The following ADGRE3 variants were observed in gnomAD, a reference collection of about 807,000 sequenced individuals.
ADGRE3 encodes adhesion G protein-coupled receptor E3, also known as EGF-like module receptor 3.
A neutral mutation model predicts 80.1 loss-of-function variants in ADGRE3; 88 were observed. The ratio of observed to expected loss-of-function variants is 1.10; its 90% CI spans 0.93 to 1.31. The LOEUF (loss-of-function observed/expected upper bound fraction) is 1.31, where lower values mean the gene tolerates loss of function less well. ADGRE3 is among the 40% of genes most tolerant of loss of function. The pLI, the probability that ADGRE3 is intolerant of heterozygous loss-of-function variation, is 0.00. For synonymous variants in ADGRE3, 281 were observed against 294.8 expected (o/e 0.95, Z 0.48); for missense variants, 715 against 776.5 (o/e 0.92, Z 0.94).
At chr19:14,651,347 T>G in intron 6 of ADGRE3, 143 bp from the exon 7 acceptor site, 1 of 842,548 alleles carries the variant, frequency 1.2e-6, no homozygotes. Context: ...CCCAGGAATT[T>G]GAGCCCAGGC....
At chr19:14,643,436 G>A (rs920385325) in intron 9 of ADGRE3, among the ~76,000 whole-genome samples, 2 of 151,958 alleles carry the variant, frequency 1.3e-5, no homozygotes, top group Admixed American at 6.6e-5. Flanking sequence ...GAGCCACTGT[G>A]CCTGGCCCAG....
chr19:14,638,255 A>G lies in ADGRE3; in HGVS notation c.1334T>C (p.Phe445Ser). Residue 445 changes from phenylalanine (F) to serine (S), a missense_variant, in exon 11 of 16, where the codon TTC (phenylalanine) becomes TCC (serine). Transcript: ENST00000253673. ...TWMLLEGVHLFLTARNLTVVN... is the reference protein window; with the variant it reads ...TWMLLEGVHLSLTARNLTVVN... ...CACTGTCAGGTTCCGTGCAGTGAGG[A>G]AGAGGTGCACACCCTCCAGCAGCAT... The G allele has an allele frequency of 2.5e-6, 4 of 1,614,088 alleles. No individual in the cohort carries two copies. Among genetic ancestry groups the G allele is most frequent in the Non-Finnish European group, 3.4e-6 (4 of 1,180,006 alleles).
intron 6 of ADGRE3, among the ~76,000 whole-genome samples, chr19:14,651,660 G>T (rs933140151): frequency 3.3e-5 from 5 of 152,156 alleles, no homozygotes; most frequent in African/African-American, 1.2e-4. Flanking sequence ...GGCAGATTTA[G>T]CTACAAGAAA....
intron 7 of ADGRE3, among the ~76,000 whole-genome samples, chr19:14,650,320 T>TTCTCTTTCCA (rs1265141163): frequency 7.3e-6 from 1 of 136,464 alleles, no homozygotes; most frequent in Non-Finnish European, 1.6e-5. Flanking sequence ...TTTCTCATCT[T>TTCTCTTTCCA]TCTCTTTCCA....
chr19:14,641,985 T>G (rs148980774), intron 9 of ADGRE3, among the ~76,000 whole-genome samples: 5 of 152,096 alleles, frequency 3.3e-5, no homozygotes, highest in African/African-American at 1.2e-4. Flanking sequence ...GACATATGAT[T>G]TTTTTCCCCT....
intron 2 of ADGRE3, among the ~76,000 whole-genome samples, chr19:14,664,554 T>A (rs10426121): frequency 0.8 from 121,004 of 151,740 alleles, 48,910 homozygotes; most frequent in African/African-American, 0.94. Flanking sequence ...AAAAATAATT[T>A]AAAAATTAGC....
intron 15 of ADGRE3, among the ~76,000 whole-genome samples, chr19:14,620,548 T>TTA (rs1555753132): frequency 0.021 from 531 of 24,976 alleles, 37 homozygotes; most frequent in Middle Eastern, 0.1. Flanking sequence ...TATATATATA[T>TTA]TATATATATA....
chr19:14,667,050 T>C (rs935791718), intron 2 of ADGRE3, among the ~76,000 whole-genome samples: 2 of 152,152 alleles, frequency 1.3e-5, no homozygotes, highest in African/African-American at 4.8e-5. Context: ...TCCCTTCATG[T>C]AGTGTCAGGG....
downstream of ADGRE3, among the ~76,000 whole-genome samples, chr19:14,618,668 C>A (rs1325091132): frequency 1.3e-5 from 2 of 150,170 alleles, no homozygotes; most frequent in Admixed American, 1.3e-4. Flanking sequence ...ACCAGCCTGA[C>A]CAACATGGAG....
chr19:14,611,264 A>C, the ADGRE3 span: 1 of 152,028 alleles, frequency 6.6e-6, no homozygotes, highest in Admixed American at 6.6e-5. Flanking sequence ...GAAACCATCA[A>C]AATTATTTTT....
At chr19:14,628,688 T>A in intron 14 of ADGRE3, 1 of 385,532 alleles carries the variant, frequency 2.6e-6, no homozygotes, top group Non-Finnish European at 5.2e-6. Context: ...AGATGTGAGT[T>A]GCAAAAACTG....
Position 14,655,090 on chromosome 19 carries a change from T to A in ADGRE3, c.469A>T (p.Ile157Phe). 6.2e-7 allele frequency: 1 copy of A among 1,614,148 alleles called. No individual in the cohort carries two copies. Among genetic ancestry groups the A allele is most frequent in the Non-Finnish European group, 8.5e-7 (1 of 1,180,002 alleles). ...AGAATAGTGGTAGCTGTGGATGAGA[T>A]TTCTTGTCTCCCTTCTGTTCTCCAT... ...TLWRTEGRQE[I>F]SSTATTILRD... The change falls in exon 6 of 16, where the codon ATC (isoleucine) becomes TTC (phenylalanine). Residue 157 changes from isoleucine to phenylalanine, a missense_variant. Transcript: ENST00000253673.
chr19:14,628,108 A>G (rs752605622), intron 14 of ADGRE3, among the ~76,000 whole-genome samples: 2 of 152,078 alleles, frequency 1.3e-5, no homozygotes. Context: ...AGCCTGGGCA[A>G]CAAGAGCCAA....
At chr19:14,606,898 C>T in the ADGRE3 span, 1 of 508,966 alleles carries the variant, frequency 2.0e-6, no homozygotes, top group Non-Finnish European at 3.0e-6. Flanking sequence ...GGTGACGTTC[C>T]CAAGCCCTAA....
Position 14,633,274 on chromosome 19 carries a change from T to A in ADGRE3, c.1513A>T (p.Met505Leu), listed in dbSNP as rs1970935140. Reference sequence around the variant, plus strand: ...CAGACTGGGCCAAGGAAACTCCACATGAATCCCTGGTCCAGGTGGAGCCAG... The same window carrying A: ...CAGACTGGGCCAAGGAAACTCCACAAGAATCCCTGGTCCAGGTGGAGCCAG... ...RCWLHLDQGF[M>L]WSFLGPVCAI... Residue 505 changes from methionine (M) to leucine (L), a missense_variant, in exon 12 of 16, where the codon ATG becomes TTG. By Grantham distance (15) the Met-to-Leu change is conservative. Transcript: ENST00000253673. 6.2e-7 allele frequency: 1 copy of A among 1,612,478 alleles called. No individual in the cohort carries two copies. The highest frequency in any genetic ancestry group is 8.5e-7 in the Non-Finnish European group (1 of 1,179,238).
At chr19:14,649,510 ATCTC>A (rs1373928271) in intron 7 of ADGRE3, among the ~76,000 whole-genome samples, 4 of 93,844 alleles carry the variant, frequency 4.3e-5, no homozygotes, top group Admixed American at 1.1e-4. Context: ...CTCTTTTTCC[ATCTC>A]TCTCTCTCCA....
In ADGRE3 at chr19:14,654,894, G is replaced by A. The variant is rs1465689353; in HGVS notation, c.577+88C>T. Reference sequence around the variant, plus strand: ...ATTTACATAAAGGGACTCATGTGGTGTATTCAATTTTTTTTTTCTAATTGC... The same window carrying A: ...ATTTACATAAAGGGACTCATGTGGTATATTCAATTTTTTTTTTCTAATTGC... On this transcript the variant is annotated intron_variant, in intron 6 of 15. Transcript: ENST00000253673. 1.5e-5 allele frequency: 15 copies of A among 986,982 alleles called. No homozygotes were observed. In the South Asian group the frequency reaches 1.8e-4, roughly 12 times the overall value. 61.1% of individuals were successfully genotyped at this position (986,982 alleles called of 1,614,324 possible).
chr19:14,625,581 T>C lies in ADGRE3; in HGVS notation c.1831A>G (p.Lys611Glu), dbSNP rs374894225. The C allele has an allele frequency of 1.6e-4, 261 of 1,612,318 alleles. No individual in the cohort carries two copies. Among genetic ancestry groups the C allele is most frequent in the Non-Finnish European group, 2.1e-4 (243 of 1,178,650 alleles). Residue 611 changes from lysine (K) to glutamate (E), a missense_variant, in exon 15 of 16, where the codon AAG becomes GAG. Physicochemically the swap from Lys to Glu is moderately conservative, Grantham distance 56. Coordinates refer to ENST00000253673, the MANE Select transcript of ADGRE3 (RefSeq NM_032571.5). Reference sequence around the variant, plus strand: ...GATTTTACGATCTCTCTAAACCACTTTTGATATTGTTTCTGGACCTGGAAC... The same window carrying C: ...GATTTTACGATCTCTCTAAACCACTCTTGATATTGTTTCTGGACCTGGAAC... Reference protein sequence around the residue: ...LSQQVQKQYQKWFREIVKSKS... With the variant: ...LSQQVQKQYQEWFREIVKSKS...
chr19:14,668,328 A>G (rs1972158085), intron 2 of ADGRE3, among the ~76,000 whole-genome samples: 1 of 152,126 alleles, frequency 6.6e-6, no homozygotes. Flanking sequence ...CTTAACCCAC[A>G]GAAACCAAGA....
Sources: allele counts gnomAD v4.1 joint callset (sites outside exome capture counted in the v4.1 genomes callset), GRCh38; gene constraint gnomAD v4.1.1; transcripts MANE v1.5; gene names NCBI Gene and HGNC (gene_info 2026-07-23, HGNC 2026-07-21).